Variants in ATP9B observed in about 807,000 individuals in gnomAD.
ATP9B encodes probable phospholipid-transporting ATPase IIB.
In ATP9B, 110 loss-of-function variants were observed where a neutral mutation model predicts 146.1. That is an observed-to-expected ratio of 0.75 (90% CI 0.65 to 0.88). ATP9B has a LOEUF of 0.88. ATP9B is among the 40% of genes least tolerant of loss of function. The probability of loss-of-function intolerance (pLI) is 0.00; values close to 1 mark genes in which losing one functional copy is unlikely to be tolerated. For missense variants in ATP9B, 1,499 were observed against 1,496.4 expected (o/e 1.00, Z -0.03); for synonymous variants, 604 against 569.7 (o/e 1.06, Z -0.86).
chr18:79,303,868 C>T (rs889824857), intron 14 of ATP9B, 152 bp downstream of exon 14: 3 of 547,334 alleles, frequency 5.5e-6, no homozygotes, highest in Non-Finnish European at 9.8e-6. Flanking sequence ...ATATACGAAT[C>T]AGGAAATCGT....
intron 15 of ATP9B, among the ~76,000 whole-genome samples, chr18:79,327,775 G>A (rs1278295500): frequency 2.2e-5 from 3 of 138,370 alleles, no homozygotes; most frequent in Non-Finnish European, 4.6e-5. Context: ...TGTGGTTAAC[G>A]TGCTCTCCGT....
intron 11 of ATP9B, among the ~76,000 whole-genome samples, chr18:79,215,586 A>T (rs2095620297): frequency 6.6e-6 from 1 of 152,290 alleles, no homozygotes. Context: ...ACAATTATTT[A>T]AAAATAAATT....
chr18:79,337,450 G>T lies in ATP9B; in HGVS notation c.2283+1G>T. Reference sequence around the variant, plus strand: ...GATGCTGCGCAACGCCGGGATCAAGGTACTGCAGGCTCACCTCTGCTGGCG... The same window carrying T: ...GATGCTGCGCAACGCCGGGATCAAGTTACTGCAGGCTCACCTCTGCTGGCG... On this transcript the variant is annotated splice_donor_variant, in intron 19 of 29. Coordinates refer to ENST00000426216, the MANE Select transcript of ATP9B (RefSeq NM_198531.5). LOFTEE classifies it high-confidence loss of function. The T allele has an allele frequency of 6.2e-7, 1 of 1,608,472 alleles. No homozygotes were observed.
chr18:79,176,689 A>T, intron 7 of ATP9B, 124 bp from the exon 8 acceptor site: 1 of 712,294 alleles, frequency 1.4e-6, no homozygotes, highest in South Asian at 1.8e-5. Context: ...GTTCCTGGGA[A>T]TATCTAGATT....
chr18:79,174,037 G>T (rs2095120782), intron 7 of ATP9B: 7 of 326,384 alleles, frequency 2.1e-5, no homozygotes, highest in South Asian at 1.5e-4. Flanking sequence ...AATTGAGCTG[G>T]ACTGCACTTT....
chr18:79,212,429 A>C (rs75243538), intron 10 of ATP9B, among the ~76,000 whole-genome samples: 1 of 152,240 alleles, frequency 6.6e-6, no homozygotes. Context: ...TCATCAGTCA[A>C]CCTGCTTTCA....
intron 6 of ATP9B, among the ~76,000 whole-genome samples, chr18:79,153,957 CTTTTT>C (rs11285884): frequency 2.9e-5 from 3 of 103,240 alleles, no homozygotes; most frequent in Non-Finnish European, 1.8e-5. Flanking sequence ...TGACATGCAG[CTTTTT>C]TTTTTTTTTT....
intron 2 of ATP9B, among the ~76,000 whole-genome samples, chr18:79,101,011 CA>C (rs1380038191): frequency 6.6e-6 from 1 of 152,020 alleles, no homozygotes; most frequent in Non-Finnish European, 1.5e-5. Context: ...ACAGCCAAAC[CA>C]TATCAGGTTT....
chr18:79,107,985 T>C (rs551014485), intron 2 of ATP9B, among the ~76,000 whole-genome samples: 49 of 152,344 alleles, frequency 3.2e-4, no homozygotes, highest in African/African-American at 1.1e-3. Flanking sequence ...TGCAGTTGTC[T>C]GAGATGGTAA....
At chr18:79,344,958 C>A (rs1345779029) in intron 21 of ATP9B, among the ~76,000 whole-genome samples, 1 of 152,202 alleles carries the variant, frequency 6.6e-6, no homozygotes, top group Admixed American at 6.5e-5. Context: ...GAGCCTCCCC[C>A]TGCACAGCTT....
chr18:79,344,014 C>T, intron 20 of ATP9B: 1 of 552,202 alleles, frequency 1.8e-6, no homozygotes, highest in South Asian at 2.1e-5. Context: ...CTGCATTCCT[C>T]ACTATACGTT....
chr18:79,196,852 A>C (rs2095422223), intron 9 of ATP9B, among the ~76,000 whole-genome samples: 1 of 152,224 alleles, frequency 6.6e-6, no homozygotes, highest in African/African-American at 2.4e-5. Flanking sequence ...ATTTAGAATG[A>C]GGTGAAGAAA....
rs1039682607 is a variant in ATP9B, at chr18:79,237,293, C to T, written c.1108-16088C>T. The stretch of plus-strand genomic sequence containing the variant: ...ACCTGCCCCTTCCCCACTGTGTACA[C>T]GGTCCGTGCACGAGTCAGTGTCCAC... On this transcript the variant is annotated intron_variant, in intron 11 of 29. Transcript: ENST00000426216. 2.8e-4 allele frequency among the ~76,000 whole-genome samples: 41 copies of T among 146,538 alleles called. 1 individual carries two copies. Among genetic ancestry groups the T allele is most frequent in the African/African-American group, 9.4e-4 (37 of 39,216 alleles).
At chr18:79,204,914 AT>A (rs552595816) in intron 9 of ATP9B, among the ~76,000 whole-genome samples, 7 of 150,808 alleles carry the variant, frequency 4.6e-5, no homozygotes, top group Non-Finnish European at 7.4e-5. Flanking sequence ...TTTTGAAATG[AT>A]TTTTTTTTTC....
intron 8 of ATP9B, among the ~76,000 whole-genome samples, chr18:79,179,707 C>T (rs2095227172): frequency 6.6e-6 from 1 of 152,032 alleles, no homozygotes; most frequent in African/African-American, 2.4e-5. Context: ...TGATATGGCC[C>T]AGCATATGAA....
chr18:79,361,292 A>T (rs1302285048), intron 26 of ATP9B: 1 of 152,218 alleles, frequency 6.6e-6, no homozygotes, highest in African/African-American at 2.4e-5. Flanking sequence ...GGATATCTAA[A>T]TGGCTCTAGT....
In ATP9B at chr18:79,168,283, G is replaced by A. The variant is rs565660199; in HGVS notation, c.779-8530G>A. ...CAGGGGGTCCGTGGCTGCATCCTGC[G>A]GGGGGATAGATTTCCTAGAGTTCAG... On this transcript the variant is annotated intron_variant, in intron 7 of 29. Transcript: ENST00000426216. Among the ~76,000 whole-genome samples, 38 of 152,186 alleles carry A rather than the reference G, an allele frequency of 2.5e-4. 1 individual carries two copies. The highest frequency in any genetic ancestry group is 1.2e-3 in the South Asian group (6 of 4,820).
At chr18:79,125,298 G>C (rs493247) in intron 4 of ATP9B, among the ~76,000 whole-genome samples, 1 of 152,034 alleles carries the variant, frequency 6.6e-6, no homozygotes, top group African/African-American at 2.4e-5. Context: ...AGGAGTGAGA[G>C]ACACAGGCTG....
At chr18:79,289,674 G>A (rs6506746) in intron 13 of ATP9B, among the ~76,000 whole-genome samples, 62,042 of 152,080 alleles carry the variant, frequency 0.41, 12,954 homozygotes, top group East Asian at 0.66. Flanking sequence ...TTCCTTTGGA[G>A]GAGGAGAGGC....
Sources: gnomAD v4.1 joint callset for allele counts (sites outside exome capture counted in the v4.1 genomes callset) on GRCh38, gnomAD v4.1.1 for gene constraint, MANE v1.5 for transcripts, NCBI Gene and HGNC (gene_info 2026-07-23, HGNC 2026-07-21) for gene names.